The following TTC28 variants were observed in gnomAD, a reference collection of about 807,000 sequenced individuals.
TTC28 encodes the protein tetratricopeptide repeat protein 28.
Under a neutral mutation model 198.0 loss-of-function variants are expected in TTC28, and 61 were observed. That is an observed-to-expected ratio of 0.31 (90% CI 0.25 to 0.38). The LOEUF is 0.38. TTC28 is among the 10% of genes least tolerant of loss of function. The probability of loss-of-function intolerance (pLI) is 1.00; values close to 1 mark genes in which losing one functional copy is unlikely to be tolerated. For synonymous variants in TTC28, 1,171 were observed against 1,297.8 expected (o/e 0.90, Z 2.10); for missense variants, 2,678 against 3,164.0 (o/e 0.85, Z 3.69).
intron 5 of TTC28, among the ~76,000 whole-genome samples, chr22:28,164,261 T>A (rs1921607923): frequency 6.6e-6 from 1 of 152,186 alleles, no homozygotes; most frequent in Non-Finnish European, 1.5e-5. Context: ...CTCTGCAGAC[T>A]TAAATGTCCC....
At chr22:28,413,211 G>A (rs950262706) in intron 2 of TTC28, among the ~76,000 whole-genome samples, 3 of 152,042 alleles carry the variant, frequency 2.0e-5, no homozygotes, top group Non-Finnish European at 4.4e-5. Context: ...CAAGGCGGGC[G>A]GATGACGAGG....
intron 2 of TTC28, among the ~76,000 whole-genome samples, chr22:28,525,971 A>G (rs2048996803): frequency 6.6e-6 from 1 of 152,228 alleles, no homozygotes; most frequent in Non-Finnish European, 1.5e-5. Flanking sequence ...GAGATGGCAC[A>G]CCATTTCTGC....
intron 5 of TTC28, among the ~76,000 whole-genome samples, chr22:28,169,099 A>T (rs1316739040): frequency 6.6e-6 from 1 of 152,252 alleles, no homozygotes; most frequent in Non-Finnish European, 1.5e-5. Flanking sequence ...CCATCAGAGA[A>T]ATGCAAATCA....
chr22:28,461,726 G>A (rs1021100877), intron 2 of TTC28, among the ~76,000 whole-genome samples: 16 of 152,166 alleles, frequency 1.1e-4, no homozygotes, highest in African/African-American at 3.9e-4. Context: ...ACTGTGCTAG[G>A]CCTTCCTAAG....
chr22:28,577,571 GTC>G (rs1243558041), intron 2 of TTC28, among the ~76,000 whole-genome samples: 3 of 151,986 alleles, frequency 2.0e-5, no homozygotes, highest in East Asian at 3.9e-4. Context: ...AGGTGATGAA[GTC>G]TCTAGCCATT....
At chr22:28,025,006 G>A (rs1304933078) in intron 13 of TTC28, among the ~76,000 whole-genome samples, 1 of 152,210 alleles carries the variant, frequency 6.6e-6, no homozygotes, top group African/African-American at 2.4e-5. Context: ...AAGAGATGCA[G>A]GACCCCAGCC....
chr22:28,304,990 ATTTAT>A (rs2045109515), intron 3 of TTC28, among the ~76,000 whole-genome samples: 1 of 150,852 alleles, frequency 6.6e-6, no homozygotes, highest in Non-Finnish European at 1.5e-5. Flanking sequence ...TTATTTATTT[ATTTAT>A]TTATTTATTT....
chr22:28,563,833 T>C (rs1218858309), intron 2 of TTC28, among the ~76,000 whole-genome samples: 4 of 152,112 alleles, frequency 2.6e-5, no homozygotes, highest in Non-Finnish European at 5.9e-5. Context: ...AACAAATACA[T>C]GTACATACAT....
At chr22:28,486,256 C>T (rs1373464702) in intron 2 of TTC28, among the ~76,000 whole-genome samples, 1 of 151,988 alleles carries the variant, frequency 6.6e-6, no homozygotes, top group Non-Finnish European at 1.5e-5. Flanking sequence ...GCTTGAAAAA[C>T]AGGTATTTCC....
intron 5 of TTC28, among the ~76,000 whole-genome samples, chr22:28,182,034 T>C (rs1923748293): frequency 6.6e-6 from 1 of 151,712 alleles, no homozygotes; most frequent in Non-Finnish European, 1.5e-5. Flanking sequence ...CCATGAAATA[T>C]TAGAGAGTCG....
chr22:28,100,177 G>A (rs1458726062), intron 9 of TTC28, among the ~76,000 whole-genome samples: 1 of 152,096 alleles, frequency 6.6e-6, no homozygotes, highest in Non-Finnish European at 1.5e-5. Flanking sequence ...AAGACTACTT[G>A]CTTCTCGGCC....
At chr22:28,678,223 A>C (rs181196837) in intron 1 of TTC28, among the ~76,000 whole-genome samples, 1 of 142,526 alleles carries the variant, frequency 7.0e-6, no homozygotes, top group East Asian at 2.1e-4. Context: ...GTATTTATTT[A>C]CTTATTTAAG....
chr22:28,370,545 G>A (rs944660830), intron 2 of TTC28, among the ~76,000 whole-genome samples: 1 of 152,080 alleles, frequency 6.6e-6, no homozygotes, highest in African/African-American at 2.4e-5. Flanking sequence ...CCATCTATGT[G>A]AACTCTCACT....
chr22:28,573,460 T>TA (rs1428161158), intron 2 of TTC28, among the ~76,000 whole-genome samples: 4 of 150,524 alleles, frequency 2.7e-5, no homozygotes, highest in Non-Finnish European at 4.4e-5. Flanking sequence ...CTCAAAAAAA[T>TA]AAAAAATAAT....
At chr22:28,580,992 ATAAAG>A (rs1282053930) in intron 2 of TTC28, among the ~76,000 whole-genome samples, 1 of 152,152 alleles carries the variant, frequency 6.6e-6, no homozygotes, top group South Asian at 2.1e-4. Context: ...TTTATAAAAA[ATAAAG>A]TAAAATTAAT....
chr22:28,679,155 T>G (rs1232501607), intron 1 of TTC28, among the ~76,000 whole-genome samples: 1 of 151,978 alleles, frequency 6.6e-6, no homozygotes, highest in Non-Finnish European at 1.5e-5. Context: ...CCGACAGACT[T>G]GCTCGCCTCC....
chr22:28,252,308 C>T (rs192711409), intron 5 of TTC28, among the ~76,000 whole-genome samples: 68 of 152,292 alleles, frequency 4.5e-4, no homozygotes, highest in Non-Finnish European at 8.2e-4. Context: ...ATCATTTTAA[C>T]CTGACACACC....
At chr22:28,489,422 C>T (rs995901764) in intron 2 of TTC28, among the ~76,000 whole-genome samples, 4 of 152,094 alleles carry the variant, frequency 2.6e-5, no homozygotes, top group Non-Finnish European at 5.9e-5. Context: ...CCTCAAAAAT[C>T]TCACCCTGAA....
At chr22:28,072,915 A>G (rs1333792562) in intron 12 of TTC28, among the ~76,000 whole-genome samples, 1 of 152,164 alleles carries the variant, frequency 6.6e-6, no homozygotes, top group Non-Finnish European at 1.5e-5. Context: ...TGTGTGCAGG[A>G]GTGCTTGGAT....
Sources: allele counts gnomAD v4.1 joint callset (sites outside exome capture counted in the v4.1 genomes callset), GRCh38; gene constraint gnomAD v4.1.1; transcripts MANE v1.5; gene names NCBI Gene and HGNC (gene_info 2026-07-23, HGNC 2026-07-21).